CMTM3: variants seen among roughly 807,000 people sequenced by gnomAD.
CMTM3 encodes the protein CKLF like MARVEL transmembrane domain containing 3.
Under a neutral mutation model 18.2 loss-of-function variants are expected in CMTM3, and 7 were observed. The observed-to-expected ratio is 0.38, with a 90% CI of 0.22 to 0.72. The LOEUF is 0.72. Ranked by LOEUF, CMTM3 falls within the 30% of genes least tolerant of loss-of-function variation. CMTM3 has a pLI of 0.46. For synonymous variants in CMTM3, 109 were observed against 111.2 expected (o/e 0.98, Z 0.12); for missense variants, 227 against 249.2 (o/e 0.91, Z 0.60).
At position 66,612,496 on chromosome 16, in the gene CMTM3, G is replaced by A. The variant is rs1182505664; in HGVS notation, c.521-113G>A. 2.8e-6 allele frequency: 3 copies of A among 1,066,078 alleles called. No individual in the cohort carries two copies. Among genetic ancestry groups the A allele is most frequent in the Non-Finnish European group, 4.2e-6 (3 of 714,290 alleles). The allele number at this position is 1,066,078 out of a possible 1,614,324, so 66.0% of individuals were successfully genotyped here. On this transcript the variant is annotated intron_variant, in intron 4 of 4. Transcript: ENST00000567572. This position sits in a 1 kb window ranked among gnomAD's most constrained non-coding sequence, Gnocchi z 6.0. ...ACTGGGAACGGTAGAGTCAGCTGCA[G>A]GAGGCCTGCACCCAGGCTCCTGCCA...
In CMTM3 at chr16:66,608,440, G is replaced by A; in HGVS notation, c.279G>A (p.Trp93Ter). 1.9e-6 allele frequency: 3 copies of A among 1,614,122 alleles called. No homozygotes were observed. Among genetic ancestry groups the A allele is most frequent in the Non-Finnish European group, 1.7e-6 (2 of 1,180,050 alleles). ...FADAMQLNDK[W>*]QGLCWPMMDF... Reference sequence around the variant, plus strand: ...ATGCCATGCAGCTGAATGACAAGTGGCAGGGCTTGTGCTGGCCCATGATGG... The same window carrying A: ...ATGCCATGCAGCTGAATGACAAGTGACAGGGCTTGTGCTGGCCCATGATGG... The change falls in exon 2 of 5, where the codon TGG becomes TGA. Residue 93 changes from tryptophan to a stop codon, truncating the protein, a stop_gained. Transcript: ENST00000567572. LOFTEE classifies it high-confidence loss of function. The surrounding 1 kb of genome is among the most constrained non-coding windows in gnomAD (Gnocchi z 5.1).
chr16:66,604,681 G>A, upstream of CMTM3: 2 of 723,380 alleles, frequency 2.8e-6, no homozygotes, highest in African/African-American at 1.9e-5. Context: ...CGTGGCGGCG[G>A]GGGATGCGCC....
rs2015339206 is a variant in CMTM3 at position 66,610,579 on chromosome 16, C to A, written c.520+576C>A. Reference sequence around the variant, plus strand: ...CGAGGCTCTGGAGGGGACACTAGAGCTGGGTACTGACAGATGGCAGTAGAG... The same window carrying A: ...CGAGGCTCTGGAGGGGACACTAGAGATGGGTACTGACAGATGGCAGTAGAG... On this transcript the variant is annotated intron_variant, in intron 4 of 4. Transcript: ENST00000567572. The surrounding 1 kb of genome is among the most constrained non-coding windows in gnomAD (Gnocchi z 4.6). 6.6e-6 allele frequency among the ~76,000 whole-genome samples: 1 copy of A among 152,180 alleles called. No homozygotes were observed.
rs1302636216 is a variant in CMTM3, at chr16:66,612,802, C to G, written c.*165C>G. 8.9e-6 allele frequency: 6 copies of G among 677,634 alleles called. No homozygotes were observed. The highest frequency in any genetic ancestry group is 2.7e-5 in the East Asian group (1 of 36,856). The allele number at this position is 677,634 out of a possible 1,614,324, so 42.0% of individuals were successfully genotyped here. ...CAGGTTCTGCCTGAGCCCAGCCTAC[C>G]AGGCTTGCCCCTCAGCTCAGCACTG... is the stretch of plus-strand genomic sequence containing the variant. On this transcript the variant is annotated 3_prime_UTR_variant, in exon 5 of 5. Transcript: ENST00000567572. The surrounding 1 kb of genome is among the most constrained non-coding windows in gnomAD (Gnocchi z 6.0).
rs945178057 is a variant in CMTM3, at chr16:66,613,001, G to A, written c.*364G>A. 7 of 700,932 alleles carry A rather than the reference G, an allele frequency of 1.0e-5. No individual in the cohort carries two copies. Among genetic ancestry groups the A allele is most frequent in the South Asian group, 7.4e-5 (5 of 67,476 alleles). 43.4% of individuals were successfully genotyped at this position (700,932 alleles called of 1,614,324 possible). On this transcript the variant is annotated 3_prime_UTR_variant, in exon 5 of 5. Transcript: ENST00000567572. Reference sequence around the variant, plus strand: ...CCATGCTGCTAGGTGGCGGGGGTCGGGGGTCTTCTGTTTCACTAACAGGAA... The same window carrying A: ...CCATGCTGCTAGGTGGCGGGGGTCGAGGGTCTTCTGTTTCACTAACAGGAA...
In CMTM3 at chr16:66,605,004, C is replaced by T; in HGVS notation, c.147+52C>T. 2.2e-6 allele frequency: 3 copies of T among 1,381,650 alleles called. No individual in the cohort carries two copies. Among genetic ancestry groups the T allele is most frequent in the Non-Finnish European group, 1.9e-6 (2 of 1,071,476 alleles). The allele number at this position is 1,381,650 out of a possible 1,614,324, so 85.6% of individuals were successfully genotyped here. On this transcript the variant is annotated intron_variant, in intron 1 of 4. Coordinates refer to ENST00000567572, the MANE Select transcript of CMTM3 (RefSeq NM_181553.4). The surrounding 1 kb of genome is among the most constrained non-coding windows in gnomAD (Gnocchi z 4.6). Reference sequence around the variant, plus strand: ...CCCGCTAGGACTGCGCGGCTCCTTTCGGAGGAGGACGTCGGGGCGCGGGTG... The same window carrying T: ...CCCGCTAGGACTGCGCGGCTCCTTTTGGAGGAGGACGTCGGGGCGCGGGTG...
Position 66,605,167 on chromosome 16 carries a change from C to A in CMTM3, c.147+215C>A. On this transcript the variant is annotated intron_variant, in intron 1 of 4. Coordinates refer to ENST00000567572, the MANE Select transcript of CMTM3 (RefSeq NM_181553.4). The surrounding 1 kb of genome is among the most constrained non-coding windows in gnomAD (Gnocchi z 4.6). Reference sequence around the variant, plus strand: ...GCGGGGCCCGAGCCCAGGCCATCCGCGGCGCTGTCCCCGCGAGTCCAGAGC... The same window carrying A: ...GCGGGGCCCGAGCCCAGGCCATCCGAGGCGCTGTCCCCGCGAGTCCAGAGC... 2 of 434,910 alleles carry A rather than the reference C, an allele frequency of 4.6e-6. No homozygotes were observed. Among genetic ancestry groups the A allele is most frequent in the Non-Finnish European group, 8.0e-6 (2 of 249,192 alleles). The allele number at this position is 434,910 out of a possible 1,614,324, so 26.9% of individuals were successfully genotyped here. A position where few individuals can be genotyped will look rare whatever the true frequency, so the allele number is the denominator to read the frequency against.
chr16:66,610,143 C>A lies in CMTM3; in HGVS notation c.520+140C>A. The A allele has an allele frequency of 9.4e-7, 1 of 1,063,152 alleles. No individual in the cohort carries two copies. The highest frequency in any genetic ancestry group is 1.4e-6 in the Non-Finnish European group (1 of 728,254). 65.9% of individuals were successfully genotyped at this position (1,063,152 alleles called of 1,614,324 possible). A position where few individuals can be genotyped will look rare whatever the true frequency, so the allele number is the denominator to read the frequency against. On this transcript the variant is annotated intron_variant, in intron 4 of 4. Coordinates refer to ENST00000567572, the MANE Select transcript of CMTM3 (RefSeq NM_181553.4). The surrounding 1 kb of genome is among the most constrained non-coding windows in gnomAD (Gnocchi z 4.6). Reference sequence around the variant, plus strand: ...AAGTGTTTTCACAGCCCATTCTCACCTACCCTCATGCAGCACTGATCCAAA... The same window carrying A: ...AAGTGTTTTCACAGCCCATTCTCACATACCCTCATGCAGCACTGATCCAAA...
rs992815349 is a variant in CMTM3, at chr16:66,605,093, C to T, written c.147+141C>T. ...CCGCGCCGCCTCGGCCGACTTCTCT[C>T]GGGCGCCTGGCGAAGTTGGGTCGAG... On this transcript the variant is annotated intron_variant, in intron 1 of 4. Transcript: ENST00000567572. This position sits in a 1 kb window ranked among gnomAD's most constrained non-coding sequence, Gnocchi z 4.6. The T allele has an allele frequency of 8.3e-6, 7 of 844,816 alleles. No homozygotes were observed. Among genetic ancestry groups the T allele is most frequent in the Non-Finnish European group, 9.7e-6 (6 of 618,882 alleles). The allele number at this position is 844,816 out of a possible 1,614,324, so 52.3% of individuals were successfully genotyped here. A position where few individuals can be genotyped will look rare whatever the true frequency, so the allele number is the denominator to read the frequency against.
At chr16:66,607,197 T>C (rs2015190846) in intron 1 of CMTM3, among the ~76,000 whole-genome samples, 1 of 152,232 alleles carries the variant, frequency 6.6e-6, no homozygotes, top group South Asian at 2.1e-4. Context: ...ACAGGTCACC[T>C]TGGCCTGCTC....
chr16:66,611,888 G>T (rs2015389217), intron 4 of CMTM3, among the ~76,000 whole-genome samples: 1 of 151,886 alleles, frequency 6.6e-6, no homozygotes, highest in Admixed American at 6.6e-5. Context: ...GAGGCTTGCT[G>T]ATTTTCCAGT....
Position 66,612,763 on chromosome 16 carries a change from G to A in CMTM3, c.*126G>A, listed in dbSNP as rs2015430857. 10 of 882,688 alleles carry A rather than the reference G, an allele frequency of 1.1e-5. No individual in the cohort carries two copies. Among genetic ancestry groups the A allele is most frequent in the Non-Finnish European group, 1.8e-5 (10 of 565,720 alleles). The allele number at this position is 882,688 out of a possible 1,614,324, so 54.7% of individuals were successfully genotyped here. ...GCAGAGGGGGCTGCGGACACAGCAGGCCCCCTACAGCCTCAGGTTCTGCCT... is the reference window on the plus strand; with the variant it reads ...GCAGAGGGGGCTGCGGACACAGCAGACCCCCTACAGCCTCAGGTTCTGCCT... On this transcript the variant is annotated 3_prime_UTR_variant, in exon 5 of 5. Coordinates refer to ENST00000567572, the MANE Select transcript of CMTM3 (RefSeq NM_181553.4). This position sits in a 1 kb window ranked among gnomAD's most constrained non-coding sequence, Gnocchi z 6.0.
chr16:66,607,974 T>C (rs1187125603), intron 1 of CMTM3, among the ~76,000 whole-genome samples: 6 of 152,074 alleles, frequency 3.9e-5, no homozygotes, highest in African/African-American at 1.4e-4. Flanking sequence ...GCCTCCCAAG[T>C]AGCTGGGATT....
rs554082580 is a variant in CMTM3 at position 66,612,052 on chromosome 16, G to A, written c.521-557G>A. ...CCGGAGGGGCTGGGCCTGAGGAAGG[G>A]GCACCTGGGCTTCAGTCTTGGGGTG... is the stretch of plus-strand genomic sequence containing the variant. On this transcript the variant is annotated intron_variant, in intron 4 of 4. Transcript: ENST00000567572. This position sits in a 1 kb window ranked among gnomAD's most constrained non-coding sequence, Gnocchi z 6.0. Among the ~76,000 whole-genome samples, 1 of 152,284 alleles carries A rather than the reference G, an allele frequency of 6.6e-6. No individual in the cohort carries two copies. The highest frequency in any genetic ancestry group is 2.4e-5 in the African/African-American group (1 of 41,552).
rs2015296918 is a variant in CMTM3, at chr16:66,609,613, C to G, written c.399+83C>G. On this transcript the variant is annotated intron_variant, in intron 3 of 4. Transcript: ENST00000567572. The surrounding 1 kb of genome is among the most constrained non-coding windows in gnomAD (Gnocchi z 4.4). ...GGGTGGGACCTGGGGCAGAGCCTTTCCCTGCTGGGGCCCCCCTGGGGTCTC... is the reference window on the plus strand; with the variant it reads ...GGGTGGGACCTGGGGCAGAGCCTTTGCCTGCTGGGGCCCCCCTGGGGTCTC... 1.3e-6 allele frequency: 2 copies of G among 1,518,130 alleles called. No homozygotes were observed. The highest frequency in any genetic ancestry group is 1.4e-5 in the African/African-American group (1 of 72,458). The allele number at this position is 1,518,130 out of a possible 1,614,324, so 94.0% of individuals were successfully genotyped here.
Position 66,612,640 on chromosome 16 carries a change from G to C in CMTM3, c.*3G>C. ...ATTCCGACTCGGACTCTGACTGAAG[G>C]CCTGGCGGGTGCCTTGGCAACCTGA... is the stretch of plus-strand genomic sequence containing the variant. On this transcript the variant is annotated 3_prime_UTR_variant, in exon 5 of 5. Coordinates refer to ENST00000567572, the MANE Select transcript of CMTM3 (RefSeq NM_181553.4). This position sits in a 1 kb window ranked among gnomAD's most constrained non-coding sequence, Gnocchi z 6.0. The C allele has an allele frequency of 6.2e-7, 1 of 1,613,972 alleles. No homozygotes were observed. Among genetic ancestry groups the C allele is most frequent in the Non-Finnish European group, 8.5e-7 (1 of 1,179,958 alleles).
chr16:66,606,629 A>G (rs2015164214), intron 1 of CMTM3, among the ~76,000 whole-genome samples: 1 of 152,158 alleles, frequency 6.6e-6, no homozygotes, highest in Non-Finnish European at 1.5e-5. Flanking sequence ...AGACATGTTC[A>G]AACGCAGCCA....
intron 1 of CMTM3, among the ~76,000 whole-genome samples, chr16:66,606,861 C>T (rs192924938): frequency 3.9e-4 from 60 of 152,280 alleles, no homozygotes; most frequent in African/African-American, 1.3e-3. Context: ...GGTTTGGTGG[C>T]GGGCGCCTGT....
rs759764731 is a variant in CMTM3 at position 66,609,996 on chromosome 16, G to A, written c.513G>A (p.Lys171=). ...CTGCAGATGAGACCACAGCCCACAA[G>A]ACAGAAGGTAAGCGGCTGCCCTGAT... The part of the protein sequence containing the change: ...GDSADETTAH[K]TEEENSDSDS... Residue 171 remains lysine, a synonymous_variant, in exon 4 of 5, where the codon AAG becomes AAA. Transcript: ENST00000567572. The surrounding 1 kb of genome is among the most constrained non-coding windows in gnomAD (Gnocchi z 4.4). The A allele has an allele frequency of 1.9e-6, 3 of 1,614,150 alleles. No individual in the cohort carries two copies. Among genetic ancestry groups the A allele is most frequent in the Non-Finnish European group, 2.5e-6 (3 of 1,180,024 alleles).
Sources: gnomAD v4.1 joint callset for allele counts (sites outside exome capture counted in the v4.1 genomes callset) on GRCh38, gnomAD v4.1.1 for gene constraint, Gnocchi (gnomAD v3.1) non-coding constraint, MANE v1.5 for transcripts, NCBI Gene and HGNC (gene_info 2026-07-23, HGNC 2026-07-21) for gene names.